Variants in SYCP2L observed in about 807,000 individuals in gnomAD.
SYCP2L encodes the protein synaptonemal complex protein 2-like.
SYCP2L carries 98 observed loss-of-function variants against 125.8 expected under a neutral mutation model. The ratio of observed to expected loss-of-function variants is 0.78; its 90% CI spans 0.66 to 0.92. The LOEUF (loss-of-function observed/expected upper bound fraction) is 0.92, where lower values mean the gene tolerates loss of function less well. Ranked by LOEUF, SYCP2L falls within the 40% of genes least tolerant of loss-of-function variation. SYCP2L has a pLI of 0.00. For synonymous variants in SYCP2L, 317 were observed against 325.4 expected (o/e 0.97, Z 0.28); for missense variants, 842 against 936.4 (o/e 0.90, Z 1.32).
intron 15 of SYCP2L, among the ~76,000 whole-genome samples, chr6:10,924,851 C>T (rs1780869967): frequency 1.3e-5 from 2 of 152,160 alleles, no homozygotes; most frequent in South Asian, 2.1e-4. Context: ...TAGAAAGCCT[C>T]TTTGTTCCTT....
In SYCP2L at chr6:10,887,109, G is replaced by A. The variant is rs771790265; in HGVS notation, c.-18G>A. 32 of 1,614,122 alleles carry A rather than the reference G, an allele frequency of 2.0e-5. No individual in the cohort carries two copies. The highest frequency in any genetic ancestry group is 3.3e-5 in the South Asian group (3 of 91,080). On this transcript the variant is annotated 5_prime_UTR_variant, in exon 1 of 30. Transcript: ENST00000283141. The stretch of plus-strand genomic sequence containing the variant: ...AAAGCTGAGCGGCGCGTCGCTTCAG[G>A]AACGAAGAAGCCTCGTTATGCAAGC...
At chr6:10,914,748 T>G (rs1029822741) in intron 14 of SYCP2L, among the ~76,000 whole-genome samples, 16 of 149,092 alleles carry the variant, frequency 1.1e-4, no homozygotes, top group South Asian at 2.1e-4. Flanking sequence ...GTTTTTTTTT[T>G]TTTTTTTTTT....
chr6:10,944,493 C>CT (rs1252553098), intron 23 of SYCP2L, among the ~76,000 whole-genome samples: 2 of 151,902 alleles, frequency 1.3e-5, no homozygotes, highest in African/African-American at 2.4e-5. Context: ...TTTAAGATTG[C>CT]TTTTTTTGAT....
At chr6:10,948,958 G>A (rs955271820) in intron 23 of SYCP2L, among the ~76,000 whole-genome samples, 2 of 151,976 alleles carry the variant, frequency 1.3e-5, no homozygotes, top group Non-Finnish European at 2.9e-5. Context: ...ATATTTTTTA[G>A]TGTGCTTCTT....
chr6:10,955,638 C>A (rs1157645419), intron 24 of SYCP2L, among the ~76,000 whole-genome samples: 1 of 152,188 alleles, frequency 6.6e-6, no homozygotes, highest in African/African-American at 2.4e-5. Context: ...GGCTCCAATG[C>A]AACAGATTTG....
At chr6:10,929,780 C>T (rs1187699212) in intron 18 of SYCP2L, among the ~76,000 whole-genome samples, 1 of 141,296 alleles carries the variant, frequency 7.1e-6, no homozygotes, top group Non-Finnish European at 1.6e-5. Flanking sequence ...AGTAAAAGTA[C>T]AAAAAAAAAA....
chr6:10,942,145 TGTG>T (rs1561695647), intron 21 of SYCP2L, among the ~76,000 whole-genome samples: 1 of 91,172 alleles, frequency 1.1e-5, no homozygotes, highest in Non-Finnish European at 2.0e-5. Context: ...TGGGGCCTGT[TGTG>T]GGGTGGGGGG....
chr6:10,928,264 A>C, intron 17 of SYCP2L, 139 bp from the exon 18 acceptor site: 1 of 488,940 alleles, frequency 2.0e-6, no homozygotes, highest in Non-Finnish European at 3.6e-6. Context: ...CACAAGGGGA[A>C]GTGATAAGTG....
intron 6 of SYCP2L, among the ~76,000 whole-genome samples, chr6:10,901,345 A>G (rs1581817803): frequency 6.6e-6 from 1 of 152,148 alleles, no homozygotes; most frequent in African/African-American, 2.4e-5. Flanking sequence ...TCTGGCTTTT[A>G]TACAATATTA....
chr6:10,917,473 G>A (rs917279550), intron 14 of SYCP2L, among the ~76,000 whole-genome samples: 4 of 152,034 alleles, frequency 2.6e-5, no homozygotes, highest in Admixed American at 2.0e-4. Flanking sequence ...ACTCCTGCTC[G>A]CTTTTGGTGT....
intron 14 of SYCP2L, among the ~76,000 whole-genome samples, chr6:10,913,398 C>T (rs922261039): frequency 2.0e-5 from 3 of 152,122 alleles, no homozygotes; most frequent in African/African-American, 7.2e-5. Context: ...AGATGGATTG[C>T]CAGGCTCTCT....
At chr6:10,906,446 C>A (rs1484729963) in intron 9 of SYCP2L, among the ~76,000 whole-genome samples, 1 of 152,128 alleles carries the variant, frequency 6.6e-6, no homozygotes, top group Non-Finnish European at 1.5e-5. Flanking sequence ...AAACAACATG[C>A]ATTATCATTT....
intron 4 of SYCP2L, among the ~76,000 whole-genome samples, chr6:10,894,987 A>G (rs965542174): frequency 7.9e-5 from 12 of 152,208 alleles, no homozygotes; most frequent in African/African-American, 2.7e-4. Flanking sequence ...TTGTTACTCT[A>G]AAATGCGTCT....
In SYCP2L at chr6:10,955,194, T is replaced by A. The variant is rs1288736856; in HGVS notation, c.2033T>A (p.Ile678Lys). The A allele has an allele frequency of 3.1e-6, 5 of 1,612,220 alleles. No homozygotes were observed. The African/African-American group carries it at 6.7e-5, about 22-fold the overall frequency. Reference sequence around the variant, plus strand: ...GTTGCTCCGGGATCCCCTTTCTCAATAACAGAAGAAAGAGAGTTGCCAGGT... The same window carrying A: ...GTTGCTCCGGGATCCCCTTTCTCAAAAACAGAAGAAAGAGAGTTGCCAGGT... ...EEVAPGSPFS[I>K]TEERELPEGI... Residue 678 changes from isoleucine to lysine, a missense_variant, in exon 24 of 30, where the codon ATA (isoleucine) becomes AAA (lysine). By Grantham distance (102) the Ile-to-Lys change is moderately radical. Coordinates refer to ENST00000283141, the MANE Select transcript of SYCP2L (RefSeq NM_001040274.3).
At chr6:10,935,721 CTGACCTCAAG>C (rs1781081898) in intron 21 of SYCP2L, among the ~76,000 whole-genome samples, 3 of 152,124 alleles carry the variant, frequency 2.0e-5, no homozygotes. Context: ...TCTGGAACTC[CTGACCTCAAG>C]TGATCTGCCC....
chr6:10,910,931 A>G (rs1780596017), intron 12 of SYCP2L, 62 bp downstream of exon 12: 1 of 1,576,792 alleles, frequency 6.3e-7, no homozygotes, highest in South Asian at 1.1e-5. Context: ...AGTTAGGTTT[A>G]CGTGGTTAGA....
chr6:10,908,309 A>C (rs1780541843), intron 10 of SYCP2L, among the ~76,000 whole-genome samples: 1 of 152,228 alleles, frequency 6.6e-6, no homozygotes, highest in East Asian at 1.9e-4. Context: ...AGAAGAAATC[A>C]GAGCATTTTT....
intron 21 of SYCP2L, among the ~76,000 whole-genome samples, chr6:10,936,490 G>GA (rs143899267): frequency 0.026 from 3,817 of 148,584 alleles, 169 homozygotes; most frequent in East Asian, 0.22. Context: ...ATCTCACAAA[G>GA]AAAAAAAAAT....
chr6:10,950,962 G>A (rs535388468), intron 23 of SYCP2L, among the ~76,000 whole-genome samples: 1 of 151,528 alleles, frequency 6.6e-6, no homozygotes, highest in Admixed American at 6.6e-5. Context: ...CCCAGCCAGA[G>A]GATAATTTTT....
Sources: gnomAD v4.1 joint callset for allele counts (sites outside exome capture counted in the v4.1 genomes callset) on GRCh38, gnomAD v4.1.1 for gene constraint, MANE v1.5 for transcripts, NCBI Gene and HGNC (gene_info 2026-07-23, HGNC 2026-07-21) for gene names.